SIMC1: variants seen among roughly 807,000 people sequenced by gnomAD.
The protein encoded by SIMC1 is SUMO interacting motifs containing 1, also known as SUMO-interacting motif-containing protein 1.
Under a neutral mutation model 82.3 loss-of-function variants are expected in SIMC1, and 55 were observed. The ratio of observed to expected loss-of-function variants is 0.67; its 90% CI spans 0.54 to 0.84. The LOEUF is 0.84. Among genes scored for constraint, SIMC1 ranks in the 40% least tolerant of loss-of-function variants. The probability of loss-of-function intolerance (pLI) is 0.00; values close to 1 mark genes in which losing one functional copy is unlikely to be tolerated. For missense variants in SIMC1, 915 were observed against 1,107.2 expected (o/e 0.83, Z 2.46); for synonymous variants, 353 against 426.3 (o/e 0.83, Z 2.12).
intron 7 of SIMC1, among the ~76,000 whole-genome samples, 160 bp downstream of exon 7, chr5:176,324,917 AG>A (rs1765312898): frequency 1.3e-5 from 2 of 152,234 alleles, no homozygotes; most frequent in African/African-American, 2.4e-5. Context: ...GGAAGAAAAT[AG>A]TAGAAGGATT....
chr5:176,317,997 TG>T (rs1764991821), intron 5 of SIMC1, among the ~76,000 whole-genome samples: 1 of 152,234 alleles, frequency 6.6e-6, no homozygotes. Flanking sequence ...CAGAATTTTC[TG>T]GGGTTTAAAT....
At position 176,330,555 on chromosome 5, in the gene SIMC1, C is replaced by A. The variant is rs555588683; in HGVS notation, c.2171+5798C>A. ...AGAACATGTCAAAAGACACAGGAGT[C>A]AGCTTAAAGGGGCTTTCAGTGACCA... On this transcript the variant is annotated intron_variant, in intron 7 of 9. Coordinates refer to ENST00000429602, the MANE Select transcript of SIMC1 (RefSeq NM_001308195.2). 1.3e-3 allele frequency among the ~76,000 whole-genome samples: 195 copies of A among 152,186 alleles called. 1 individual carries two copies. The highest frequency in any genetic ancestry group is 4.6e-3 in the African/African-American group (189 of 41,514).
At chr5:176,307,159 G>A (rs1764460483) in intron 4 of SIMC1, among the ~76,000 whole-genome samples, 4 of 152,116 alleles carry the variant, frequency 2.6e-5, no homozygotes, top group Admixed American at 2.6e-4. Flanking sequence ...CAAAAAATAA[G>A]TGTGGGCAAG....
Position 176,295,081 on chromosome 5 carries a change from A to G in SIMC1, c.1483A>G (p.Thr495Ala), listed in dbSNP as rs752708366. ...CCCTCATCGAAGACTAAGAATGGTA[A>G]CAAATACCATTGAAGAGAATTTTCC... ...PIPHRRLRMV[T>A]NTIEENFPLG... Residue 495 changes from threonine to alanine, a missense_variant, in exon 3 of 10, where the codon ACA becomes GCA. By Grantham distance (58) the Thr-to-Ala change is moderately conservative. Around this residue, in one of 2 missense-constraint regions of SIMC1, gnomAD observed 902 missense variants for 1,040.3 expected, o/e 0.87. Transcript: ENST00000429602. The G allele has an allele frequency of 3.4e-5, 55 of 1,613,608 alleles. No individual in the cohort carries two copies. The East Asian group carries it at 1.2e-3, about 35-fold the overall frequency.
intron 2 of SIMC1, among the ~76,000 whole-genome samples, chr5:176,291,630 C>A (rs1057220512): frequency 6.6e-6 from 1 of 152,030 alleles, no homozygotes; most frequent in Non-Finnish European, 1.5e-5. Context: ...GCCACCGCGC[C>A]TGGCACGCCC....
chr5:176,343,807 T>TG (rs1350699318), intron 9 of SIMC1, among the ~76,000 whole-genome samples: 1 of 152,082 alleles, frequency 6.6e-6, no homozygotes, highest in African/African-American at 2.4e-5. Context: ...TGTTTTGTTT[T>TG]TTTTGAGACG....
intron 5 of SIMC1, among the ~76,000 whole-genome samples, chr5:176,315,926 G>C (rs1444980225): frequency 6.6e-6 from 1 of 152,036 alleles, no homozygotes; most frequent in Non-Finnish European, 1.5e-5. Flanking sequence ...TGTAATCCCA[G>C]TACTTTGGGA....
chr5:176,345,307 C>T lies in SIMC1; in HGVS notation c.2538C>T (p.Ser846=). The change falls in exon 10 of 10, where the codon AGC becomes AGT. Residue 846 remains serine (S), a synonymous_variant. Coordinates refer to ENST00000429602, the MANE Select transcript of SIMC1 (RefSeq NM_001308195.2). ...AGAAGCAGATTGAGGCCTTCCGCAG[C>T]CGCCTGATCCAGATGCTGGGGGAGC... ...DVEKQIEAFR[S]RLIQMLGEPL... The T allele has an allele frequency of 1.2e-6, 2 of 1,614,000 alleles. No individual in the cohort carries two copies. The highest frequency in any genetic ancestry group is 1.7e-6 in the Non-Finnish European group (2 of 1,179,892).
chr5:176,287,736 C>T (rs1290216351), intron 1 of SIMC1, among the ~76,000 whole-genome samples: 2 of 147,644 alleles, frequency 1.4e-5, no homozygotes, highest in Non-Finnish European at 1.5e-5. Context: ...CCTAAGGAAT[C>T]GACAAAAAAA....
At chr5:176,270,968 C>T (rs1250422788) in intron 1 of SIMC1, among the ~76,000 whole-genome samples, 1 of 152,092 alleles carries the variant, frequency 6.6e-6, no homozygotes, top group East Asian at 1.9e-4. Flanking sequence ...GATTTGGGGT[C>T]CACACGATCT....
At chr5:176,314,042 G>A (rs891399063) in intron 5 of SIMC1, among the ~76,000 whole-genome samples, 197 bp downstream of exon 5, 1 of 152,104 alleles carries the variant, frequency 6.6e-6, no homozygotes, top group African/African-American at 2.4e-5. Flanking sequence ...CGAGGTGGGC[G>A]GATCATTTGA....
intron 7 of SIMC1, among the ~76,000 whole-genome samples, chr5:176,329,255 A>G (rs901328155): frequency 1.3e-5 from 2 of 152,116 alleles, no homozygotes; most frequent in African/African-American, 2.4e-5. Context: ...GCGGATCACG[A>G]GGTCAGGAGA....
At chr5:176,265,854 G>A (rs564676014) in intron 1 of SIMC1, among the ~76,000 whole-genome samples, 6 of 151,836 alleles carry the variant, frequency 4.0e-5, no homozygotes, top group South Asian at 2.1e-4. Context: ...TTTATTAATC[G>A]TGTTGGATCC....
intron 1 of SIMC1, among the ~76,000 whole-genome samples, chr5:176,243,020 G>C (rs763372292): frequency 5.9e-5 from 9 of 151,908 alleles, no homozygotes; most frequent in Non-Finnish European, 1.3e-4. Context: ...TTTTTATTAT[G>C]ATTCATTTAT....
chr5:176,253,755 G>A (rs930141411), intron 1 of SIMC1, among the ~76,000 whole-genome samples: 1 of 152,144 alleles, frequency 6.6e-6, no homozygotes, highest in Non-Finnish European at 1.5e-5. Flanking sequence ...TGCTGGGCCA[G>A]CATTATTCTG....
chr5:176,338,035 G>C (rs1239126303), intron 9 of SIMC1, among the ~76,000 whole-genome samples: 1 of 152,182 alleles, frequency 6.6e-6, no homozygotes, highest in Admixed American at 6.5e-5. Flanking sequence ...AGGAAAAATA[G>C]TAACTTGCTA....
chr5:176,335,405 T>G (rs1351969768), intron 7 of SIMC1, among the ~76,000 whole-genome samples: 2 of 149,892 alleles, frequency 1.3e-5, no homozygotes, highest in Non-Finnish European at 3.0e-5. Flanking sequence ...GCCTCCCAAG[T>G]AGCTGGGACT....
chr5:176,325,673 G>A (rs1010102790), intron 7 of SIMC1, among the ~76,000 whole-genome samples: 3 of 152,128 alleles, frequency 2.0e-5, no homozygotes, highest in African/African-American at 7.2e-5. Flanking sequence ...GTGACAGAGC[G>A]AGACTCCGTC....
At position 176,242,247 on chromosome 5, in the gene SIMC1, T is replaced by A. The variant is rs552266260; in HGVS notation, c.129+3610T>A. 5.5e-4 allele frequency among the ~76,000 whole-genome samples: 83 copies of A among 152,108 alleles called. 1 individual carries two copies. The highest frequency in any genetic ancestry group is 1.9e-3 in the African/African-American group (79 of 41,384). On this transcript the variant is annotated intron_variant, in intron 1 of 9. Coordinates refer to ENST00000429602, the MANE Select transcript of SIMC1 (RefSeq NM_001308195.2). The stretch of plus-strand genomic sequence containing the variant: ...ACAGTGTAGTCTATGGTAAATTTTA[T>A]GCAGTTGTGATACAAATTAAAAAGA...
Sources: gnomAD v4.1 joint callset for allele counts (sites outside exome capture counted in the v4.1 genomes callset) on GRCh38, gnomAD v4.1.1 for gene constraint, gnomAD v4.1.1 regional missense constraint, MANE v1.5 for transcripts, NCBI Gene and HGNC (gene_info 2026-07-23, HGNC 2026-07-21) for gene names.